SESTD1: variants seen among roughly 807,000 people sequenced by gnomAD.
SESTD1 encodes SEC14 and spectrin domain containing 1, also known as SEC14 domain and spectrin repeat-containing protein 1.
In SESTD1, 43 loss-of-function variants were observed where a neutral mutation model predicts 101.7. That is an observed-to-expected ratio of 0.42 (90% CI 0.33 to 0.55). SESTD1 has a LOEUF of 0.55. SESTD1 is among the 20% of genes least tolerant of loss of function. The pLI is 0.07. For missense variants in SESTD1, 647 were observed against 815.1 expected (o/e 0.79, Z 2.51); for synonymous variants, 283 against 286.8 (o/e 0.99, Z 0.13).
At chr2:179,239,652 C>G (rs1187747884) in intron 1 of SESTD1, among the ~76,000 whole-genome samples, 2 of 152,136 alleles carry the variant, frequency 1.3e-5, no homozygotes, top group African/African-American at 4.8e-5. Flanking sequence ...CCCAGGTAAA[C>G]AACATATGCA....
At chr2:179,138,857 T>G (rs10084229) in intron 9 of SESTD1, among the ~76,000 whole-genome samples, 22,016 of 106,744 alleles carry the variant, frequency 0.21, 2,023 homozygotes, top group Middle Eastern at 0.42. Flanking sequence ...GGTAATAGAC[T>G]GAAACCCTGT....
At chr2:179,133,259 A>G (rs757122759) in intron 9 of SESTD1, among the ~76,000 whole-genome samples, 28 of 152,186 alleles carry the variant, frequency 1.8e-4, no homozygotes, top group Non-Finnish European at 3.2e-4. Flanking sequence ...GACTATGCCC[A>G]TTATGAGTCA....
intron 1 of SESTD1, among the ~76,000 whole-genome samples, chr2:179,241,966 G>C (rs2047160854): frequency 6.6e-6 from 1 of 151,222 alleles, no homozygotes; most frequent in Admixed American, 6.6e-5. Context: ...GGAAGGCCTA[G>C]AGGGAGCAAT....
intron 13 of SESTD1, among the ~76,000 whole-genome samples, chr2:179,120,800 A>C (rs1203329806): frequency 6.6e-6 from 1 of 152,200 alleles, no homozygotes; most frequent in Non-Finnish European, 1.5e-5. Context: ...AACCTATCCA[A>C]ATGACTTAGC....
chr2:179,238,639 T>C (rs2047103905), intron 1 of SESTD1, among the ~76,000 whole-genome samples: 1 of 152,132 alleles, frequency 6.6e-6, no homozygotes, highest in African/African-American at 2.4e-5. Flanking sequence ...TTACTATGTG[T>C]AGGGAAAAAG....
At chr2:179,141,410 T>C (rs564308563) in intron 9 of SESTD1, among the ~76,000 whole-genome samples, 1 of 152,282 alleles carries the variant, frequency 6.6e-6, no homozygotes, top group East Asian at 1.9e-4. Context: ...TCACAGCTGT[T>C]TGTGTCATCA....
At chr2:179,199,581 G>C (rs527331037) in intron 1 of SESTD1, among the ~76,000 whole-genome samples, 1 of 152,200 alleles carries the variant, frequency 6.6e-6, no homozygotes, top group East Asian at 1.9e-4. Context: ...ACTGAATCCA[G>C]CAGCACATCA....
intron 1 of SESTD1, among the ~76,000 whole-genome samples, chr2:179,239,614 C>A (rs1487115473): frequency 1.3e-5 from 2 of 152,080 alleles, no homozygotes; most frequent in Admixed American, 6.6e-5. Flanking sequence ...TGGGTTTAGA[C>A]CTAGGCACAG....
At chr2:179,113,568 C>T (rs775554660) in intron 16 of SESTD1, among the ~76,000 whole-genome samples, 16 of 152,056 alleles carry the variant, frequency 1.1e-4, no homozygotes, top group Non-Finnish European at 2.4e-4. Context: ...TTTTGCATTA[C>T]ACTTTATCTA....
rs1251398891 is a variant in SESTD1, at chr2:179,176,599, C to A, written c.165-61G>T. Reference sequence around the variant, plus strand: ...GCTCCAGATTTCGTTCTTCATAATTCTAAATAAAGAAGGTTTAAAACTTAA... The same window carrying A: ...GCTCCAGATTTCGTTCTTCATAATTATAAATAAAGAAGGTTTAAAACTTAA... On this transcript the variant is annotated intron_variant, in intron 3 of 17. Coordinates refer to ENST00000428443, the MANE Select transcript of SESTD1 (RefSeq NM_178123.5). 7 of 1,379,092 alleles carry A rather than the reference C, an allele frequency of 5.1e-6. No homozygotes were observed. In the South Asian group the frequency reaches 7.3e-5, roughly 14 times the overall value. The allele number at this position is 1,379,092 out of a possible 1,614,324, so 85.4% of individuals were successfully genotyped here. A position where few individuals can be genotyped will look rare whatever the true frequency, so the allele number is the denominator to read the frequency against.
rs1430485181 is a variant in SESTD1, at chr2:179,143,686, T to C, written c.755A>G (p.Asp252Gly). The C allele has an allele frequency of 1.2e-6, 2 of 1,614,004 alleles. No individual in the cohort carries two copies. The highest frequency in any genetic ancestry group is 1.7e-6 in the Non-Finnish European group (2 of 1,179,934). Residue 252 changes from aspartate (D) to glycine (G), a missense_variant, in exon 9 of 18, where the codon GAT becomes GGT. Transcript: ENST00000428443. ...LAQPQVMKLL[D>G]SLREQYTRYQ... ...GCGGGTATATTGCTCTCGGAGTGAA[T>C]CTAATAATTTCATAACCTGTGGCTG... is the stretch of plus-strand genomic sequence containing the variant.
intron 7 of SESTD1, among the ~76,000 whole-genome samples, chr2:179,147,822 TG>T (rs1046488352): frequency 2.0e-5 from 3 of 152,204 alleles, no homozygotes; most frequent in African/African-American, 7.2e-5. Context: ...GTCACCAACA[TG>T]GGATGTCTTT....
intron 1 of SESTD1, among the ~76,000 whole-genome samples, chr2:179,262,866 C>A (rs1214366813): frequency 6.6e-6 from 1 of 152,150 alleles, no homozygotes; most frequent in Non-Finnish European, 1.5e-5. Context: ...CAAGTAGATG[C>A]AACTTTGTGA....
At chr2:179,196,857 A>G (rs2046405784) in intron 1 of SESTD1, among the ~76,000 whole-genome samples, 1 of 152,236 alleles carries the variant, frequency 6.6e-6, no homozygotes, top group Non-Finnish European at 1.5e-5. Flanking sequence ...AAAGATGGGG[A>G]AAAAACAGAG....
chr2:179,189,729 G>C lies in SESTD1; in HGVS notation c.55+2058C>G, dbSNP rs1574020250. Among the ~76,000 whole-genome samples the C allele has an allele frequency of 3.3e-5, 5 of 151,686 alleles. 1 individual carries two copies. The highest frequency in any genetic ancestry group is 3.3e-4 in the Admixed American group (5 of 15,194). On this transcript the variant is annotated intron_variant, in intron 2 of 17. Coordinates refer to ENST00000428443, the MANE Select transcript of SESTD1 (RefSeq NM_178123.5). The stretch of plus-strand genomic sequence containing the variant: ...ATAAATTACATTAGTAAAATGTCAG[G>C]GTAAAAAAATCAATATACAAAAATA...
At chr2:179,244,599 A>T (rs1040717606) in intron 1 of SESTD1, among the ~76,000 whole-genome samples, 2 of 152,240 alleles carry the variant, frequency 1.3e-5, no homozygotes, top group Non-Finnish European at 2.9e-5. Flanking sequence ...GAGAAATCAA[A>T]ACATTCTCAA....
chr2:179,142,172 C>G (rs1236769991), intron 9 of SESTD1, among the ~76,000 whole-genome samples: 1 of 152,198 alleles, frequency 6.6e-6, no homozygotes, highest in African/African-American at 2.4e-5. Flanking sequence ...ATGTCTATAT[C>G]TGCTCTTGTA....
chr2:179,256,373 T>G (rs1211851483), intron 1 of SESTD1, among the ~76,000 whole-genome samples: 1 of 152,086 alleles, frequency 6.6e-6, no homozygotes, highest in Non-Finnish European at 1.5e-5. Context: ...TTGGAAGAAG[T>G]TGATCCCAAC....
chr2:179,242,509 C>G (rs891288604), intron 1 of SESTD1, among the ~76,000 whole-genome samples: 1 of 152,156 alleles, frequency 6.6e-6, no homozygotes, highest in African/African-American at 2.4e-5. Flanking sequence ...GTACCCAAAG[C>G]AATTCTAAGC....
Sources: gnomAD v4.1 joint callset for allele counts (sites outside exome capture counted in the v4.1 genomes callset) on GRCh38, gnomAD v4.1.1 for gene constraint, MANE v1.5 for transcripts, NCBI Gene and HGNC (gene_info 2026-07-23, HGNC 2026-07-21) for gene names.